Variants in PPME1 observed in about 807,000 individuals in gnomAD.
PPME1 encodes testicular secretory protein Li 39.
A neutral mutation model predicts 56.9 loss-of-function variants in PPME1; 17 were observed. The ratio of observed to expected loss-of-function variants is 0.30; its 90% CI spans 0.20 to 0.45. PPME1 has a LOEUF of 0.45. Among genes scored for constraint, PPME1 ranks in the 20% least tolerant of loss-of-function variants. PPME1 has a pLI of 1.00. For missense variants in PPME1, 357 were observed against 483.2 expected, an observed-to-expected ratio of 0.74 and a Z score of 2.45; for synonymous variants, 122 against 156.2, an observed-to-expected ratio of 0.78 and a Z score of 1.63.
intron 3 of PPME1, among the ~76,000 whole-genome samples, chr11:74,206,649 C>T (rs557597304): frequency 6.6e-6 from 1 of 152,276 alleles, no homozygotes; most frequent in South Asian, 2.1e-4. Flanking sequence ...CTCACTACAA[C>T]CTCAACTCCT....
rs1444673726 is a variant in PPME1 at position 74,239,341 on chromosome 11, CT to C, written c.834+90del. 6.6e-6 allele frequency: 10 copies of C among 1,517,758 alleles called. No homozygotes were observed. The African/African-American group carries it at 1.4e-4, about 21-fold the overall frequency. 94.0% of individuals were successfully genotyped at this position (1,517,758 alleles called of 1,614,324 possible). On this transcript the variant is annotated intron_variant, in intron 9 of 13. Transcript: ENST00000328257. ...GGTGGGAAGGGGTGATAACATTGTT[CT>C]TTTTGTTTGCCATTAGGTATTTTAG... is the stretch of plus-strand genomic sequence containing the variant.
At chr11:74,180,217 A>AT (rs1857495724) in intron 1 of PPME1, among the ~76,000 whole-genome samples, 1 of 152,138 alleles carries the variant, frequency 6.6e-6, no homozygotes, top group Admixed American at 6.5e-5. Flanking sequence ...CCTAGTAGGC[A>AT]TATCACATTG....
chr11:74,176,273 A>T (rs1021366667), intron 1 of PPME1, among the ~76,000 whole-genome samples: 2 of 152,162 alleles, frequency 1.3e-5, no homozygotes, highest in African/African-American at 4.8e-5. Flanking sequence ...ATCTGATTAG[A>T]TAGTCTTTCA....
At chr11:74,247,974 G>T (rs1164384324) in intron 11 of PPME1, 1 of 152,558 alleles carries the variant, frequency 6.6e-6, no homozygotes, top group Non-Finnish European at 1.5e-5. Flanking sequence ...CAAGTTATCT[G>T]ACTTGCCTCA....
chr11:74,219,108 A>G (rs1858730961), intron 3 of PPME1, among the ~76,000 whole-genome samples: 1 of 152,192 alleles, frequency 6.6e-6, no homozygotes, highest in Non-Finnish European at 1.5e-5. Context: ...GAATATATTC[A>G]TATGGCAGAC....
chr11:74,247,602 C>T (rs1859540276), intron 11 of PPME1: 1 of 152,182 alleles, frequency 6.6e-6, no homozygotes, highest in South Asian at 2.1e-4. Flanking sequence ...AGTTCCGGGC[C>T]TCACCCACCC....
chr11:74,173,934 T>C (rs988683630), intron 1 of PPME1, among the ~76,000 whole-genome samples: 2 of 152,224 alleles, frequency 1.3e-5, no homozygotes, highest in African/African-American at 4.8e-5. Flanking sequence ...CCTTTCTTTA[T>C]GATAGTATTG....
Position 74,171,453 on chromosome 11 carries a change from G to T in PPME1, c.32G>T (p.Gly11Val), listed in dbSNP as rs1483330250. The change falls in exon 1 of 14, where the codon GGC becomes GTC. Residue 11 changes from glycine to valine, a missense_variant. By Grantham distance (109) the Gly-to-Val change is moderately radical. Coordinates refer to ENST00000328257, the MANE Select transcript of PPME1 (RefSeq NM_016147.3). MSALEKSMHLGRLPSRPPLPG... is the reference protein window; with the variant it reads MSALEKSMHLVRLPSRPPLPG... ...GCCCTCGAAAAGAGCATGCACCTCG[G>T]CCGCCTTCCCTCTCGCCCACCTCTA... is the stretch of plus-strand genomic sequence containing the variant. 1 of 1,613,140 alleles carries T rather than the reference G, an allele frequency of 6.2e-7. No homozygotes were observed. The highest frequency in any genetic ancestry group is 1.1e-5 in the South Asian group (1 of 90,860).
At chr11:74,234,329 C>T (rs1422970465) in intron 7 of PPME1, among the ~76,000 whole-genome samples, 1 of 152,096 alleles carries the variant, frequency 6.6e-6, no homozygotes, top group African/African-American at 2.4e-5. Flanking sequence ...ATCGTCATCA[C>T]ATAGTTAATA....
chr11:74,214,132 A>C (rs1858555331), intron 3 of PPME1, among the ~76,000 whole-genome samples: 1 of 152,246 alleles, frequency 6.6e-6, no homozygotes. Context: ...AGATAAATTT[A>C]ACAAAGCAAT....
At chr11:74,205,507 G>C (rs1858304410) in intron 3 of PPME1, 1 of 152,264 alleles carries the variant, frequency 6.6e-6, no homozygotes, top group African/African-American at 2.4e-5. Context: ...TGGGAATGCA[G>C]CACTAGGTAC....
At chr11:74,194,715 T>C (rs536919902) in intron 1 of PPME1, among the ~76,000 whole-genome samples, 1 of 152,250 alleles carries the variant, frequency 6.6e-6, no homozygotes, top group South Asian at 2.1e-4. Flanking sequence ...GTCCCTAATA[T>C]AAGATGTCTA....
At chr11:74,235,303 C>G (rs1338674182) in intron 7 of PPME1, among the ~76,000 whole-genome samples, 1 of 152,140 alleles carries the variant, frequency 6.6e-6, no homozygotes, top group Non-Finnish European at 1.5e-5. Context: ...GCACGGCACA[C>G]AAGGCCCTGG....
At chr11:74,195,521 T>G (rs1364870402) in intron 1 of PPME1, among the ~76,000 whole-genome samples, 1 of 152,226 alleles carries the variant, frequency 6.6e-6, no homozygotes, top group Non-Finnish European at 1.5e-5. Flanking sequence ...TGATGCATAT[T>G]TAGCTTGCTT....
chr11:74,233,047 T>C (rs1432436753), intron 7 of PPME1, among the ~76,000 whole-genome samples: 1 of 151,930 alleles, frequency 6.6e-6, no homozygotes, highest in Non-Finnish European at 1.5e-5. Context: ...AAATTTTTTT[T>C]TCTAGTGCCT....
In PPME1 at chr11:74,253,472, C is replaced by T. The variant is rs1485860514; in HGVS notation, c.1143-20C>T. On this transcript the variant is annotated intron_variant, in intron 13 of 13. Coordinates refer to ENST00000328257, the MANE Select transcript of PPME1 (RefSeq NM_016147.3). Reference sequence around the variant, plus strand: ...TTGATAGTTACATTTGTTTTTCCTTCTCTTTCTGTTCTTCCACAGTGTGTT... The same window carrying T: ...TTGATAGTTACATTTGTTTTTCCTTTTCTTTCTGTTCTTCCACAGTGTGTT... 6.2e-7 allele frequency: 1 copy of T among 1,602,072 alleles called. No individual in the cohort carries two copies.
At chr11:74,189,351 G>A (rs554628126) in intron 1 of PPME1, among the ~76,000 whole-genome samples, 10 of 152,234 alleles carry the variant, frequency 6.6e-5, no homozygotes, top group Non-Finnish European at 1.3e-4. Flanking sequence ...GTGCAGTGGC[G>A]TGATCATGGC....
intron 1 of PPME1, among the ~76,000 whole-genome samples, chr11:74,182,744 T>C (rs1465705664): frequency 1.3e-5 from 2 of 152,180 alleles, no homozygotes; most frequent in African/African-American, 4.8e-5. Flanking sequence ...GTATACATGT[T>C]GAGAACTTCT....
chr11:74,187,388 T>C (rs1857713872), intron 1 of PPME1, among the ~76,000 whole-genome samples: 1 of 152,182 alleles, frequency 6.6e-6, no homozygotes, highest in Admixed American at 6.5e-5. Flanking sequence ...TGGATGTCTT[T>C]CTTTTTATGT....
Sources: allele counts gnomAD v4.1 joint callset (sites outside exome capture counted in the v4.1 genomes callset), GRCh38; gene constraint gnomAD v4.1.1; transcripts MANE v1.5; gene names NCBI Gene and HGNC (gene_info 2026-07-23, HGNC 2026-07-21).